P2RY12: variants seen among roughly 807,000 people sequenced by gnomAD.
P2RY12 encodes the protein purinergic receptor P2Y12.
P2RY12 carries 3 observed loss-of-function variants against 4.5 expected under a neutral mutation model. That is an observed-to-expected ratio of 0.67 (90% CI 0.31 to 1.74). The LOEUF (loss-of-function observed/expected upper bound fraction) is 1.74, where lower values mean the gene tolerates loss of function less well. Ranked by LOEUF, P2RY12 falls within the 40% of genes most tolerant of loss-of-function variation. The pLI, the probability that P2RY12 is intolerant of heterozygous loss-of-function variation, is 0.09. For synonymous variants in P2RY12, 148 were observed against 154.1 expected, an observed-to-expected ratio of 0.96 and a Z score of 0.29; for missense variants, 356 against 407.8, an observed-to-expected ratio of 0.87 and a Z score of 1.09.
chr3:151,370,028 T>G (rs1755986090), intron 1 of P2RY12, among the ~76,000 whole-genome samples: 1 of 152,230 alleles, frequency 6.6e-6, no homozygotes, highest in Non-Finnish European at 1.5e-5. Flanking sequence ...CTTTGTTTTT[T>G]GATGACCCAG....
chr3:151,383,886 C>T, intron 1 of P2RY12: 3 of 1,610,958 alleles, frequency 1.9e-6, no homozygotes, highest in East Asian at 4.5e-5. Context: ...TGCACACTAA[C>T]AAGTATGTTT....
chr3:151,355,098 G>C (rs191954105), intron 1 of P2RY12: 1 of 1,554,666 alleles, frequency 6.4e-7, no homozygotes, highest in East Asian at 2.2e-5. Context: ...GGAAAATAAT[G>C]GATCTGCTTT....
intron 1 of P2RY12, among the ~76,000 whole-genome samples, chr3:151,368,683 TCA>T (rs1560087495): frequency 6.2e-4 from 30 of 48,180 alleles, no homozygotes; most frequent in African/African-American, 3.2e-3. Flanking sequence ...TCATGTCATT[TCA>T]TTTTATTTCA....
At chr3:151,381,662 C>G (rs141616899) in intron 1 of P2RY12, among the ~76,000 whole-genome samples, 2 of 152,156 alleles carry the variant, frequency 1.3e-5, no homozygotes, top group Non-Finnish European at 2.9e-5. Context: ...AAAATAGGAC[C>G]ACAGCCATTC....
intron 1 of P2RY12, among the ~76,000 whole-genome samples, chr3:151,374,810 A>G (rs965517947): frequency 6.6e-6 from 1 of 152,134 alleles, no homozygotes; most frequent in African/African-American, 2.4e-5. Flanking sequence ...TTCAAAAGTG[A>G]AACTATACAA....
chr3:151,338,353 T>G lies in P2RY12; in HGVS notation c.493A>C (p.Arg165=). 6.2e-7 allele frequency: 1 copy of G among 1,614,154 alleles called. No homozygotes were observed. The highest frequency in any genetic ancestry group is 2.2e-5 in the East Asian group (1 of 44,878). The part of the protein sequence containing the change: ...LSLPNMILTN[R]QPRDKNVKKC... ...TTCACATTCTTGTCTCTCGGCTGCC[T>G]GTTGGTCAGAATCATGTTAGGCAAA... is the stretch of plus-strand genomic sequence containing the variant. Residue 165 remains arginine (R), a synonymous_variant, in exon 3 of 3, where the codon AGG becomes CGG. Coordinates refer to ENST00000302632, the MANE Select transcript of P2RY12 (RefSeq NM_022788.5).
At chr3:151,340,858 G>C (rs945292985) in intron 1 of P2RY12, 98 bp from the exon 2 acceptor site, 4 of 152,394 alleles carry the variant, frequency 2.6e-5, no homozygotes, top group African/African-American at 9.7e-5. Flanking sequence ...ATTTCTATCT[G>C]TCCTCTTTTA....
At position 151,378,018 on chromosome 3, in the gene P2RY12, C is replaced by T. The variant is rs541572659; in HGVS notation, c.-180+6674G>A. The T allele has an allele frequency of 8.8e-6, 14 of 1,597,292 alleles. No individual in the cohort carries two copies. The highest frequency in any genetic ancestry group is 2.3e-5 in the East Asian group (1 of 44,122). On this transcript the variant is annotated intron_variant, in intron 1 of 2. Coordinates refer to ENST00000302632, the MANE Select transcript of P2RY12 (RefSeq NM_022788.5). ...CACCTGTTTCTGATTTTAGTTCCTC[C>T]GAACGCAGGGGTGTATGGTTGGTGG...
At position 151,368,657 on chromosome 3, in the gene P2RY12, T is replaced by G. The variant is rs75142072; in HGVS notation, c.-180+16035A>C. 2.3e-3 allele frequency among the ~76,000 whole-genome samples: 140 copies of G among 61,320 alleles called. 2 individuals carry two copies. The highest frequency in any genetic ancestry group is 9.7e-3 in the Admixed American group (58 of 5,960). 40.2% of individuals were successfully genotyped at this position (61,320 alleles called of 152,430 possible). On this transcript the variant is annotated intron_variant, in intron 1 of 2. Transcript: ENST00000302632. ...TTCATTTCATTTCATTTCATTTCATTTCATTTCATTTCATTTCATGTCATT... is the reference window on the plus strand; with the variant it reads ...TTCATTTCATTTCATTTCATTTCATGTCATTTCATTTCATTTCATGTCATT...
intron 1 of P2RY12, chr3:151,349,983 C>A: frequency 7.2e-7 from 1 of 1,396,302 alleles, no homozygotes; most frequent in South Asian, 1.3e-5. Context: ...GTGCTGTGGT[C>A]AGTGCATTTC....
intron 1 of P2RY12, among the ~76,000 whole-genome samples, chr3:151,360,267 T>G (rs1450169440): frequency 6.6e-6 from 1 of 152,174 alleles, no homozygotes; most frequent in African/African-American, 2.4e-5. Flanking sequence ...ATCAGTGACA[T>G]TTCTGAAGTT....
At chr3:151,353,698 A>T (rs974335683) in intron 1 of P2RY12, among the ~76,000 whole-genome samples, 1 of 152,224 alleles carries the variant, frequency 6.6e-6, no homozygotes, top group African/African-American at 2.4e-5. Context: ...TTAGCAAAAT[A>T]TTTTTGAGTT....
intron 1 of P2RY12, among the ~76,000 whole-genome samples, chr3:151,351,634 T>C (rs921904286): frequency 6.6e-6 from 1 of 152,206 alleles, no homozygotes; most frequent in African/African-American, 2.4e-5. Context: ...TGAAACTAGC[T>C]AGCAAAGAAT....
rs536559992 is a variant in P2RY12, at chr3:151,366,629, G to A, written c.-180+18063C>T. On this transcript the variant is annotated intron_variant, in intron 1 of 2. Coordinates refer to ENST00000302632, the MANE Select transcript of P2RY12 (RefSeq NM_022788.5). ...GTTGCCACTTATTGGAGTAGTCTTT[G>A]TCGTACACTAGTATCTCTTATGCAT... Among the ~76,000 whole-genome samples the A allele has an allele frequency of 5.3e-5, 8 of 152,184 alleles. No individual in the cohort carries two copies. In the East Asian group the frequency reaches 1.4e-3, roughly 26 times the overall value.
chr3:151,374,225 A>G (rs558407822), intron 1 of P2RY12, among the ~76,000 whole-genome samples: 1 of 152,094 alleles, frequency 6.6e-6, no homozygotes, highest in South Asian at 2.1e-4. Context: ...GCTTTGTCAA[A>G]AAATGATTAA....
chr3:151,362,449 G>A (rs769788992), intron 1 of P2RY12, among the ~76,000 whole-genome samples: 41 of 151,814 alleles, frequency 2.7e-4, no homozygotes, highest in Non-Finnish European at 4.6e-4. Context: ...TTTATCTTAC[G>A]TTGCTTGTGA....
intron 1 of P2RY12, chr3:151,383,784 A>C: frequency 6.2e-7 from 1 of 1,609,080 alleles, no homozygotes; most frequent in Non-Finnish European, 8.5e-7. Flanking sequence ...GCTAGGTAGG[A>C]GGAATGTTTG....
chr3:151,347,591 A>C (rs545888024), intron 1 of P2RY12, among the ~76,000 whole-genome samples: 2 of 152,204 alleles, frequency 1.3e-5, no homozygotes, highest in East Asian at 3.9e-4. Flanking sequence ...CGTGGCTATG[A>C]GAGTATTTTA....
At chr3:151,382,687 A>G in intron 1 of P2RY12, 1 of 1,612,556 alleles carries the variant, frequency 6.2e-7, no homozygotes, top group Non-Finnish European at 8.5e-7. Context: ...GAACGATACC[A>G]AGATGACATA....
Sources: allele counts gnomAD v4.1 joint callset (sites outside exome capture counted in the v4.1 genomes callset), GRCh38; gene constraint gnomAD v4.1.1; transcripts MANE v1.5; gene names NCBI Gene and HGNC (gene_info 2026-07-23, HGNC 2026-07-21).